The following ITPR2 variants were observed in gnomAD, a reference collection of about 807,000 sequenced individuals.
ITPR2 encodes inositol 1,4,5-trisphosphate-gated calcium channel ITPR2.
Under a neutral mutation model 317.1 loss-of-function variants are expected in ITPR2, and 207 were observed. The ratio of observed to expected loss-of-function variants is 0.65; its 90% CI spans 0.58 to 0.73. The LOEUF (loss-of-function observed/expected upper bound fraction) is 0.73. Ranked by LOEUF, ITPR2 falls within the 30% of genes least tolerant of loss-of-function variation. The probability of loss-of-function intolerance (pLI) is 0.00; values close to 1 mark genes in which losing one functional copy is unlikely to be tolerated. For synonymous variants in ITPR2, 1,156 were observed against 1,149.1 expected, an observed-to-expected ratio of 1.01 and a Z score of -0.12; for missense variants, 2,613 against 3,284.0, an observed-to-expected ratio of 0.80 and a Z score of 4.99.
chr12:26,586,126 T>A (rs1945520190), intron 32 of ITPR2, among the ~76,000 whole-genome samples: 1 of 152,202 alleles, frequency 6.6e-6, no homozygotes, highest in Admixed American at 6.5e-5. Flanking sequence ...CATAGCTATT[T>A]AAATTTTGAT....
At chr12:26,531,678 CACACAA>C (rs983999677) in intron 37 of ITPR2, among the ~76,000 whole-genome samples, 20 of 149,980 alleles carry the variant, frequency 1.3e-4, no homozygotes, top group Middle Eastern at 3.4e-3. Context: ...CACACACACA[CACACAA>C]GTGTGTATCT....
chr12:26,602,317 T>C (rs1946019760), intron 28 of ITPR2, 53 bp downstream of exon 28: 9 of 1,556,368 alleles, frequency 5.8e-6, no homozygotes, highest in Non-Finnish European at 6.9e-6. Context: ...TGCAAAACAT[T>C]TGAAATTGTA....
At position 26,623,683 on chromosome 12, in the gene ITPR2, T is replaced by G. The variant is rs115963466; in HGVS notation, c.3122+616A>C. Reference sequence around the variant, plus strand: ...TGTTTTTAGGGTCTCATGTCAAGTCTGTAATATAAATGAGCACCAGAAGCT... The same window carrying G: ...TGTTTTTAGGGTCTCATGTCAAGTCGGTAATATAAATGAGCACCAGAAGCT... On this transcript the variant is annotated intron_variant, in intron 24 of 56. Coordinates refer to ENST00000381340, the MANE Select transcript of ITPR2 (RefSeq NM_002223.4). Among the ~76,000 whole-genome samples, 859 of 152,288 alleles carry G rather than the reference T, an allele frequency of 5.6e-3. 7 individuals are homozygous for G. Among genetic ancestry groups the G allele is most frequent in the African/African-American group, 0.019 (794 of 41,568 alleles).
At chr12:26,500,378 T>C (rs1385179814) in intron 37 of ITPR2, among the ~76,000 whole-genome samples, 1 of 120,842 alleles carries the variant, frequency 8.3e-6, no homozygotes, top group Non-Finnish European at 2.1e-5. Flanking sequence ...TTCACCACAG[T>C]TGAGAAGTTT....
At chr12:26,553,741 C>A (rs961202751) in intron 36 of ITPR2, among the ~76,000 whole-genome samples, 2 of 150,754 alleles carry the variant, frequency 1.3e-5, no homozygotes, top group African/African-American at 4.9e-5. Context: ...GCCAAGATTG[C>A]GCCACTGCAC....
At chr12:26,546,611 G>C (rs1591883437) in intron 37 of ITPR2, among the ~76,000 whole-genome samples, 1 of 151,980 alleles carries the variant, frequency 6.6e-6, no homozygotes, top group East Asian at 1.9e-4. Flanking sequence ...TGAGTGAAAA[G>C]AACAAAGCTG....
chr12:26,483,798 C>A lies in ITPR2; in HGVS notation c.5912G>T (p.Gly1971Val). The change falls in exon 42 of 57, where the codon GGC (glycine) becomes GTC (valine). Residue 1971 changes from glycine (G) to valine (V), a missense_variant. By Grantham distance (109) the Gly-to-Val change is moderately radical (BLOSUM62 -3). Transcript: ENST00000381340. ...CTCATTGATGTAGAGACCCAACAGG[C>A]CCAGGCCACCGGTTGTACTTCCACA... ...CICGSTTGGL[G>V]LLGLYINEKN... is the part of the protein sequence containing the mutation. 3 of 1,614,104 alleles carry A rather than the reference C, an allele frequency of 1.9e-6. No individual in the cohort carries two copies. Among genetic ancestry groups the A allele is most frequent in the Non-Finnish European group, 2.5e-6 (3 of 1,179,958 alleles).
Position 26,600,103 on chromosome 12 carries a change from C to T in ITPR2, c.3685G>A (p.Glu1229Lys), listed in dbSNP as rs992031932. The change falls in exon 29 of 57, where the codon GAA becomes AAA. Residue 1229 changes from glutamate to lysine, a missense_variant. Physicochemically the swap from Glu to Lys is moderately conservative, Grantham distance 56. Coordinates refer to ENST00000381340, the MANE Select transcript of ITPR2 (RefSeq NM_002223.4). ...LLQIPYEKNDEKMNEVMNLAH... is the reference protein window; with the variant it reads ...LLQIPYEKNDKKMNEVMNLAH... ...AGATTCATTACTTCATTCATCTTTTCATCATTCTGTAAGTTAAAGAATAGC... is the reference window on the plus strand; with the variant it reads ...AGATTCATTACTTCATTCATCTTTTTATCATTCTGTAAGTTAAAGAATAGC... The T allele has an allele frequency of 1.9e-6, 3 of 1,607,934 alleles. No individual in the cohort carries two copies. Among genetic ancestry groups the T allele is most frequent in the Non-Finnish European group, 2.6e-6 (3 of 1,175,786 alleles).
intron 8 of ITPR2, among the ~76,000 whole-genome samples, chr12:26,712,302 C>A (rs575937710): frequency 3.3e-5 from 5 of 152,194 alleles, no homozygotes; most frequent in Non-Finnish European, 7.3e-5. Flanking sequence ...ACTGACCACC[C>A]TTTGGCTCCT....
intron 2 of ITPR2, among the ~76,000 whole-genome samples, chr12:26,736,656 C>G (rs1488892986): frequency 2.0e-5 from 3 of 152,134 alleles, no homozygotes; most frequent in African/African-American, 7.2e-5. Context: ...CCCTTTCACT[C>G]TCAAGAATGT....
chr12:26,600,338 TCTA>T (rs1301188503), intron 28 of ITPR2, among the ~76,000 whole-genome samples: 2 of 152,118 alleles, frequency 1.3e-5, no homozygotes, highest in Admixed American at 6.6e-5. Context: ...TCTATTCTGC[TCTA>T]CTTTTCCAAT....
At chr12:26,669,131 T>A (rs1027461578) in intron 13 of ITPR2, among the ~76,000 whole-genome samples, 3 of 151,206 alleles carry the variant, frequency 2.0e-5, no homozygotes, top group Admixed American at 6.6e-5. Context: ...AAAAAAAAAA[T>A]TATTATTATT....
At chr12:26,607,651 A>G (rs562053926) in intron 26 of ITPR2, among the ~76,000 whole-genome samples, 2 of 152,324 alleles carry the variant, frequency 1.3e-5, no homozygotes, top group African/African-American at 2.4e-5. Context: ...AGAGGCTCTG[A>G]CCAGCATTAC....
At chr12:26,416,417 A>T (rs1056926803) in intron 50 of ITPR2, among the ~76,000 whole-genome samples, 1 of 152,202 alleles carries the variant, frequency 6.6e-6, no homozygotes, top group Non-Finnish European at 1.5e-5. Context: ...TAGTATTTTT[A>T]AAATTGGAAT....
At chr12:26,635,773 T>A (rs551469657) in intron 21 of ITPR2, among the ~76,000 whole-genome samples, 1 of 152,318 alleles carries the variant, frequency 6.6e-6, no homozygotes, top group African/African-American at 2.4e-5. Context: ...CTGGAAAATA[T>A]CTTTACTTTC....
chr12:26,725,478 A>G (rs2137050369), intron 3 of ITPR2, among the ~76,000 whole-genome samples, 172 bp downstream of exon 3: 1 of 152,346 alleles, frequency 6.6e-6, no homozygotes, highest in South Asian at 2.1e-4. Flanking sequence ...GCCAGGAAAT[A>G]GATGGTCACA....
chr12:26,725,872 C>G (rs903441869), intron 2 of ITPR2, 107 bp from the exon 3 acceptor site: 53 of 712,066 alleles, frequency 7.4e-5, no homozygotes, highest in African/African-American at 7.1e-5. Context: ...TTATACAGAA[C>G]AGTTAAAAGT....
chr12:26,451,657 A>G (rs938858386), intron 45 of ITPR2, among the ~76,000 whole-genome samples: 1 of 152,210 alleles, frequency 6.6e-6, no homozygotes, highest in Non-Finnish European at 1.5e-5. Context: ...GCCAGAATTA[A>G]AAAATGAAAC....
intron 1 of ITPR2, among the ~76,000 whole-genome samples, chr12:26,808,625 C>A (rs1950678323): frequency 6.6e-6 from 1 of 152,064 alleles, no homozygotes; most frequent in African/African-American, 2.4e-5. Flanking sequence ...CAAGGGATAG[C>A]CTTCAAGGAA....
Sources: allele counts gnomAD v4.1 joint callset (sites outside exome capture counted in the v4.1 genomes callset), GRCh38; gene constraint gnomAD v4.1.1; transcripts MANE v1.5; gene names NCBI Gene and HGNC (gene_info 2026-07-23, HGNC 2026-07-21).